The following LUZP2 variants were observed in gnomAD, a reference collection of about 807,000 sequenced individuals.
LUZP2 encodes the protein leucine zipper protein 2.
In LUZP2, 52 loss-of-function variants were observed where a neutral mutation model predicts 51.6. That is an observed-to-expected ratio of 1.01 (90% CI 0.81 to 1.27). The LOEUF is 1.27. LUZP2 is among the 50% of genes most tolerant of loss of function. The pLI is 0.00. For missense variants in LUZP2, 436 were observed against 395.4 expected, an observed-to-expected ratio of 1.10 and a Z score of -0.87; for synonymous variants, 154 against 137.3, an observed-to-expected ratio of 1.12 and a Z score of -0.85.
At chr11:24,642,701 A>G (rs1855331619) in intron 1 of LUZP2, among the ~76,000 whole-genome samples, 1 of 150,288 alleles carries the variant, frequency 6.7e-6, no homozygotes, top group Non-Finnish European at 1.5e-5. Flanking sequence ...GACTACTGCA[A>G]TGAAATTTTG....
chr11:25,051,996 A>C (rs1367672073), intron 10 of LUZP2, among the ~76,000 whole-genome samples: 1 of 152,068 alleles, frequency 6.6e-6, no homozygotes, highest in Non-Finnish European at 1.5e-5. Flanking sequence ...AGTGAGTTCC[A>C]GAAGCAGATA....
intron 1 of LUZP2, among the ~76,000 whole-genome samples, chr11:24,587,644 A>G (rs191643037): frequency 1.3e-5 from 2 of 152,244 alleles, no homozygotes; most frequent in Admixed American, 1.3e-4. Flanking sequence ...AAAACTCAAA[A>G]CATCTTGTGA....
At chr11:24,764,055 G>A (rs149744082) in intron 5 of LUZP2, among the ~76,000 whole-genome samples, 1,923 of 152,088 alleles carry the variant, frequency 0.013, 23 homozygotes, top group Non-Finnish European at 0.019. Context: ...TATTTTGTTG[G>A]AGTCATTTAG....
chr11:24,932,327 G>C (rs773508229), intron 7 of LUZP2, among the ~76,000 whole-genome samples: 30 of 152,228 alleles, frequency 2.0e-4, no homozygotes, highest in East Asian at 5.8e-4. Context: ...GAGAATATTC[G>C]GGTGTCTCAG....
chr11:24,787,723 C>G (rs553772719), intron 5 of LUZP2, among the ~76,000 whole-genome samples: 7 of 152,276 alleles, frequency 4.6e-5, no homozygotes, highest in Admixed American at 2.6e-4. Context: ...TAAATACCAA[C>G]AGAAGCATCA....
chr11:24,712,904 T>A lies in LUZP2; in HGVS notation c.63-16265T>A, dbSNP rs559353427. On this transcript the variant is annotated intron_variant, in intron 1 of 11. Transcript: ENST00000336930. Reference sequence around the variant, plus strand: ...GATAGATTCCTAGGTATGGGATTGGTAGGGGAAGAGTTATATATTTTTAAC... The same window carrying A: ...GATAGATTCCTAGGTATGGGATTGGAAGGGGAAGAGTTATATATTTTTAAC... 2.6e-5 allele frequency among the ~76,000 whole-genome samples: 4 copies of A among 152,302 alleles called. No homozygotes were observed. The East Asian group carries it at 7.7e-4, about 29-fold the overall frequency.
At chr11:24,732,547 T>A (rs989023790) in intron 3 of LUZP2, among the ~76,000 whole-genome samples, 5 of 151,686 alleles carry the variant, frequency 3.3e-5, no homozygotes, top group Non-Finnish European at 5.9e-5. Context: ...ATGGACCATG[T>A]TTAATACAAT....
intron 1 of LUZP2, among the ~76,000 whole-genome samples, chr11:24,600,432 T>C (rs1366284156): frequency 6.6e-6 from 1 of 152,090 alleles, no homozygotes; most frequent in African/African-American, 2.4e-5. Flanking sequence ...GCCACCGAAT[T>C]TGTGGTGCTT....
intron 5 of LUZP2, among the ~76,000 whole-genome samples, chr11:24,857,410 T>C (rs1590647947): frequency 6.6e-6 from 1 of 151,126 alleles, no homozygotes; most frequent in East Asian, 1.9e-4. Flanking sequence ...AGACATTTAA[T>C]AAATATTTTT....
chr11:24,878,647 T>A, intron 5 of LUZP2, among the ~76,000 whole-genome samples: 1 of 151,978 alleles, frequency 6.6e-6, no homozygotes, highest in East Asian at 1.9e-4. Flanking sequence ...ATTTTATTTT[T>A]AATTTTTATT....
At chr11:24,525,885 A>G (rs927216609) in intron 1 of LUZP2, among the ~76,000 whole-genome samples, 3 of 151,362 alleles carry the variant, frequency 2.0e-5, no homozygotes, top group African/African-American at 7.3e-5. Flanking sequence ...GTTGGAATAC[A>G]AGCATGTAAG....
chr11:24,772,246 A>G lies in LUZP2; in HGVS notation c.396+8938A>G, dbSNP rs575300475. Among the ~76,000 whole-genome samples the G allele has an allele frequency of 2.6e-4, 40 of 152,360 alleles. No homozygotes were observed. In the South Asian group the frequency reaches 6.6e-3, roughly 25 times the overall value. ...GGGAAAACTCTAAATTTTAAGAAGA[A>G]AACTCACTTTGGTTCAACTCTTGTG... On this transcript the variant is annotated intron_variant, in intron 5 of 11. Transcript: ENST00000336930.
At chr11:24,568,896 T>C (rs543649464) in intron 1 of LUZP2, among the ~76,000 whole-genome samples, 23 of 152,152 alleles carry the variant, frequency 1.5e-4, no homozygotes, top group African/African-American at 5.3e-4. Context: ...GTAATACATA[T>C]GTTTTCTTTT....
chr11:24,672,004 G>C (rs1856415643), intron 1 of LUZP2, among the ~76,000 whole-genome samples: 1 of 152,066 alleles, frequency 6.6e-6, no homozygotes. Context: ...TAAATGTAGT[G>C]AGGGAATGGG....
At chr11:24,763,013 T>TA (rs11414450) in intron 4 of LUZP2, 89,143 of 750,158 alleles carry the variant, frequency 0.12, 4,352 homozygotes, top group African/African-American at 0.23. Context: ...TTTCTCAATT[T>TA]AAAAAAAAAA....
intron 5 of LUZP2, among the ~76,000 whole-genome samples, chr11:24,883,868 T>G (rs1852574760): frequency 6.6e-6 from 1 of 151,996 alleles, no homozygotes; most frequent in Non-Finnish European, 1.5e-5. Context: ...AACACACATA[T>G]TGGTAAAACT....
intron 5 of LUZP2, among the ~76,000 whole-genome samples, chr11:24,785,563 A>G (rs1849221796): frequency 6.6e-6 from 1 of 152,008 alleles, no homozygotes; most frequent in Admixed American, 6.6e-5. Context: ...ATGACAATAT[A>G]AATATAAGAA....
At chr11:24,996,929 C>A (rs1465494968) in intron 9 of LUZP2, among the ~76,000 whole-genome samples, 5 of 151,256 alleles carry the variant, frequency 3.3e-5, no homozygotes, top group Non-Finnish European at 7.4e-5. Context: ...TCATCCATGT[C>A]CCTACAAAGG....
intron 5 of LUZP2, among the ~76,000 whole-genome samples, chr11:24,813,664 T>C (rs1323700005): frequency 6.6e-6 from 1 of 152,194 alleles, no homozygotes; most frequent in Non-Finnish European, 1.5e-5. Context: ...AGGTCGCACC[T>C]CCAAAATTGG....
Sources: gnomAD v4.1 joint callset for allele counts (sites outside exome capture counted in the v4.1 genomes callset) on GRCh38, gnomAD v4.1.1 for gene constraint, MANE v1.5 for transcripts, NCBI Gene and HGNC (gene_info 2026-07-23, HGNC 2026-07-21) for gene names.